Variants in ADAMTS18 observed in about 807,000 individuals in gnomAD.
The protein encoded by ADAMTS18 is ADAM metallopeptidase with thrombospondin type 1 motif 18.
A neutral mutation model predicts 165.9 loss-of-function variants in ADAMTS18; 157 were observed. The observed-to-expected ratio is 0.95, with a 90% confidence interval of 0.83 to 1.08. The LOEUF (loss-of-function observed/expected upper bound fraction) is 1.08, where lower values mean the gene tolerates loss of function less well. ADAMTS18 is among the 50% of genes least tolerant of loss of function. The pLI is 0.00. For missense variants in ADAMTS18, 2,040 were observed against 1,534.0 expected, an observed-to-expected ratio of 1.33 and a Z score of -5.51; for synonymous variants, 782 against 578.2, an observed-to-expected ratio of 1.35 and a Z score of -5.06.
chr16:77,429,165 G>C (rs548386160), intron 3 of ADAMTS18, among the ~76,000 whole-genome samples: 35 of 152,278 alleles, frequency 2.3e-4, no homozygotes, highest in African/African-American at 7.9e-4. Context: ...ATTCACCATA[G>C]CAAGGACATG....
At chr16:77,300,220 T>C in intron 17 of ADAMTS18, 43 bp downstream of exon 17, 1 of 1,612,636 alleles carries the variant, frequency 6.2e-7, no homozygotes, top group Non-Finnish European at 8.5e-7. Flanking sequence ...GAACCTGTTT[T>C]AAGAGAGACA....
At chr16:77,368,252 G>C (rs1187866879) in intron 3 of ADAMTS18, among the ~76,000 whole-genome samples, 1 of 152,226 alleles carries the variant, frequency 6.6e-6, no homozygotes, top group East Asian at 1.9e-4. Context: ...TCTACTTTCA[G>C]AGGCAGGGCT....
At chr16:77,304,757 G>A (rs531680556) in intron 16 of ADAMTS18, among the ~76,000 whole-genome samples, 3 of 152,342 alleles carry the variant, frequency 2.0e-5, no homozygotes, top group African/African-American at 7.2e-5. Flanking sequence ...TTAGGAACGT[G>A]CAGCTTTAAA....
intron 17 of ADAMTS18, among the ~76,000 whole-genome samples, chr16:77,298,919 G>T (rs918724145): frequency 6.6e-6 from 1 of 152,272 alleles, no homozygotes; most frequent in Non-Finnish European, 1.5e-5. Context: ...GTCATGCGAA[G>T]GGGTTGCTAA....
chr16:77,325,643 T>C (rs2056079948), intron 13 of ADAMTS18, among the ~76,000 whole-genome samples: 1 of 150,616 alleles, frequency 6.6e-6, no homozygotes, highest in Non-Finnish European at 1.5e-5. Flanking sequence ...ACCTTGGGTT[T>C]ACAGATGTGG....
In ADAMTS18 at chr16:77,363,022, A is replaced by T. The variant is rs149095632; in HGVS notation, c.1057-758T>A. 2.8e-4 allele frequency among the ~76,000 whole-genome samples: 42 copies of T among 152,294 alleles called. 1 individual carries two copies. The highest frequency in any genetic ancestry group is 9.9e-4 in the African/African-American group (41 of 41,568). ...TCTCCACACCTGGGCAATTAGATCA[A>T]CTTTTGTCTTGTCTGTGTCTTCCTG... On this transcript the variant is annotated intron_variant, in intron 6 of 22. Transcript: ENST00000282849.
intron 3 of ADAMTS18, among the ~76,000 whole-genome samples, chr16:77,417,241 G>T (rs2057542054): frequency 6.6e-6 from 1 of 152,122 alleles, no homozygotes; most frequent in South Asian, 2.1e-4. Flanking sequence ...AAATGTTTTA[G>T]AAGTGTGAAT....
At chr16:77,308,130 G>A (rs1455094942) in intron 16 of ADAMTS18, among the ~76,000 whole-genome samples, 1 of 152,034 alleles carries the variant, frequency 6.6e-6, no homozygotes, top group Non-Finnish European at 1.5e-5. Context: ...GGCTTTCAAA[G>A]AGTTAAACGC....
rs780098580 is a variant in ADAMTS18 at position 77,362,281 on chromosome 16, C to A, written c.1057-17G>T. ...TAATCCTCCCTATGGGAAACCCACA[C>A]AAATCAAAGTGTGAATTTGTCACAG... On this transcript the variant is annotated splice_polypyrimidine_tract_variant and intron_variant, in intron 6 of 22. Transcript: ENST00000282849. 1 of 1,613,952 alleles carries A rather than the reference C, an allele frequency of 6.2e-7. No individual in the cohort carries two copies. The highest frequency in any genetic ancestry group is 8.5e-7 in the Non-Finnish European group (1 of 1,179,952).
Position 77,372,689 on chromosome 16 carries a change from A to G in ADAMTS18, c.496-4966T>C, listed in dbSNP as rs144027970. 2.9e-3 allele frequency among the ~76,000 whole-genome samples: 443 copies of G among 152,302 alleles called. 6 individuals carry two copies. The highest frequency in any genetic ancestry group is 9.5e-3 in the African/African-American group (393 of 41,558). On this transcript the variant is annotated intron_variant, in intron 3 of 22. Coordinates refer to ENST00000282849, the MANE Select transcript of ADAMTS18 (RefSeq NM_199355.4). ...ATAGGCAAGATAAGTAAAATCTCAG[A>G]TTTCACAACCCGAGAAATCCCAGCC...
At chr16:77,345,339 C>T (rs2056460101) in intron 10 of ADAMTS18, among the ~76,000 whole-genome samples, 1 of 152,190 alleles carries the variant, frequency 6.6e-6, no homozygotes, top group African/African-American at 2.4e-5. Flanking sequence ...TCTATATTCC[C>T]ATTGGTTCTG....
chr16:77,434,674 C>G lies in ADAMTS18; in HGVS notation c.22G>C (p.Ala8Pro). Residue 8 changes from alanine (A) to proline (P), a missense_variant, in exon 1 of 23, where the codon GCG becomes CCG. Coordinates refer to ENST00000282849, the MANE Select transcript of ADAMTS18 (RefSeq NM_199355.4). MECALLL[A>P]CAFPAAGSGP... ...GAACCCGCAGCCGGGAAGGCACACG[C>G]GAGCAGGAGGGCGCACTCCATGGTC... 15 of 1,478,422 alleles carry G rather than the reference C, an allele frequency of 1.0e-5. No homozygotes were observed. Among genetic ancestry groups the G allele is most frequent in the Non-Finnish European group, 1.3e-5 (15 of 1,121,354 alleles). 91.6% of individuals were successfully genotyped at this position (1,478,422 alleles called of 1,614,324 possible).
At chr16:77,367,858 T>G in intron 3 of ADAMTS18, 135 bp from the exon 4 acceptor site, 1 of 976,550 alleles carries the variant, frequency 1.0e-6, no homozygotes. Flanking sequence ...ATTGCCTCAT[T>G]TTTATCTGCA....
chr16:77,432,914 C>G (rs551121238), intron 2 of ADAMTS18, among the ~76,000 whole-genome samples: 1 of 152,102 alleles, frequency 6.6e-6, no homozygotes, highest in Non-Finnish European at 1.5e-5. Context: ...GTGACTTATT[C>G]CTTGGGCAGC....
intron 2 of ADAMTS18, among the ~76,000 whole-genome samples, chr16:77,433,175 T>G (rs890287232): frequency 2.6e-5 from 4 of 152,196 alleles, no homozygotes; most frequent in Non-Finnish European, 5.9e-5. Context: ...ACCTTCTCCT[T>G]CTGTCAAACT....
At chr16:77,290,549 G>C (rs1275778233) in intron 21 of ADAMTS18, 1 of 152,620 alleles carries the variant, frequency 6.6e-6, no homozygotes, top group East Asian at 1.9e-4. Context: ...CTCCCAGATA[G>C]ATAACGTACG....
chr16:77,295,069 G>A lies in ADAMTS18; in HGVS notation c.2860C>T (p.Arg954Ter), dbSNP rs776029520. The A allele has an allele frequency of 1.9e-6, 3 of 1,614,106 alleles. No individual in the cohort carries two copies. Among genetic ancestry groups the A allele is most frequent in the Non-Finnish European group, 1.7e-6 (2 of 1,180,010 alleles). ...TTCTTTTGCACACACTGGATCTTTC[G>A]GCTCTGCTGGCCTCCAGCACAGGCC... The part of the protein sequence containing the change: ...SKACAGGQQS[R>*]KIQCVQKKPF... The change falls in exon 19 of 23, where the codon CGA becomes TGA. Residue 954 changes from arginine (R) to a stop codon, truncating the protein, a stop_gained. Coordinates refer to ENST00000282849, the MANE Select transcript of ADAMTS18 (RefSeq NM_199355.4). LOFTEE classifies it high-confidence loss of function.
chr16:77,361,197 C>T (rs2056708038), intron 7 of ADAMTS18, among the ~76,000 whole-genome samples: 1 of 152,126 alleles, frequency 6.6e-6, no homozygotes, highest in African/African-American at 2.4e-5. Flanking sequence ...CTAGCTGCCA[C>T]AGAGACCTGT....
chr16:77,334,595 A>G lies in ADAMTS18; in HGVS notation c.1859+1161T>C, dbSNP rs569603865. Among the ~76,000 whole-genome samples the G allele has an allele frequency of 2.8e-4, 31 of 111,826 alleles. No homozygotes were observed. In the East Asian group the frequency reaches 4.9e-3, roughly 18 times the overall value. The allele number at this position is 111,826 out of a possible 152,430, so 73.4% of individuals were successfully genotyped here. A position where few individuals can be genotyped will look rare whatever the true frequency, so the allele number is the denominator to read the frequency against. On this transcript the variant is annotated intron_variant, in intron 12 of 22. Transcript: ENST00000282849. ...TATAGTATATATTATAGTATATAGT[A>G]TATATATACTACTATAGTATATAGT...
Sources: allele counts gnomAD v4.1 joint callset (sites outside exome capture counted in the v4.1 genomes callset), GRCh38; gene constraint gnomAD v4.1.1; transcripts MANE v1.5; gene names NCBI Gene and HGNC (gene_info 2026-07-23, HGNC 2026-07-21).